ZMIZ1: variants seen among roughly 807,000 people sequenced by gnomAD.
ZMIZ1 encodes the protein zinc finger MIZ domain-containing protein 1.
Under a neutral mutation model 113.9 loss-of-function variants are expected in ZMIZ1, and 17 were observed. The ratio of observed to expected loss-of-function variants is 0.15; its 90% confidence interval spans 0.10 to 0.22. The LOEUF (loss-of-function observed/expected upper bound fraction) is 0.22, where lower values mean the gene tolerates loss of function less well. ZMIZ1 is among the 10% of genes least tolerant of loss of function. ZMIZ1 has a pLI of 1.00. For synonymous variants in ZMIZ1, 607 were observed against 603.1 expected (o/e 1.01, Z -0.09); for missense variants, 1,059 against 1,477.8 (o/e 0.72, Z 4.65).
intron 8 of ZMIZ1, 130 bp from the exon 9 acceptor site, chr10:79,289,645 A>C: frequency 1.3e-6 from 1 of 763,054 alleles, no homozygotes; most frequent in Non-Finnish European, 2.2e-6. Context: ...TGGGGGGTCC[A>C]GTACCGACTC....
At chr10:79,081,489 A>G (rs1318992719) in intron 1 of ZMIZ1, among the ~76,000 whole-genome samples, 1 of 152,166 alleles carries the variant, frequency 6.6e-6, no homozygotes, top group East Asian at 1.9e-4. Flanking sequence ...CTGCTTTTCA[A>G]GCAGGGTCAG....
chr10:79,127,268 G>A (rs114129053), intron 2 of ZMIZ1, among the ~76,000 whole-genome samples: 1,573 of 152,200 alleles, frequency 0.01, 28 homozygotes, highest in African/African-American at 0.036. Context: ...CCCTGGGCTC[G>A]GCCGGTCTGT....
chr10:79,245,336 G>T (rs1850127055), intron 7 of ZMIZ1, among the ~76,000 whole-genome samples: 1 of 152,198 alleles, frequency 6.6e-6, no homozygotes, highest in African/African-American at 2.4e-5. Flanking sequence ...GCCAGGCCTG[G>T]CTCCAACAGG....
At chr10:79,166,293 G>C (rs1053744575) in intron 4 of ZMIZ1, among the ~76,000 whole-genome samples, 1 of 152,212 alleles carries the variant, frequency 6.6e-6, no homozygotes, top group African/African-American at 2.4e-5. Context: ...CATCCTCAGG[G>C]CTCTGCACAA....
intron 3 of ZMIZ1, among the ~76,000 whole-genome samples, chr10:79,156,783 T>G (rs1426915929): frequency 6.6e-6 from 1 of 152,186 alleles, no homozygotes; most frequent in African/African-American, 2.4e-5. Context: ...TAGGTCCTCA[T>G]TCATTTCTGT....
intron 1 of ZMIZ1, among the ~76,000 whole-genome samples, chr10:79,071,449 T>C (rs2132146635): frequency 6.6e-6 from 1 of 152,358 alleles, no homozygotes; most frequent in African/African-American, 2.4e-5. Context: ...GCCGGGCAGC[T>C]TGGCGCTGGT....
At chr10:79,180,868 C>T (rs1447690266) in intron 4 of ZMIZ1, among the ~76,000 whole-genome samples, 2 of 152,266 alleles carry the variant, frequency 1.3e-5, no homozygotes, top group Non-Finnish European at 2.9e-5. Context: ...GGGGCCAGCA[C>T]ACCTGCACAC....
At chr10:79,080,733 A>C (rs2132183483) in intron 1 of ZMIZ1, among the ~76,000 whole-genome samples, 1 of 152,086 alleles carries the variant, frequency 6.6e-6, no homozygotes, top group Non-Finnish European at 1.5e-5. Context: ...TGACATCTGC[A>C]TTTCTGCTTG....
chr10:79,303,947 C>G, intron 18 of ZMIZ1, 68 bp from the exon 19 acceptor site: 1 of 1,594,414 alleles, frequency 6.3e-7, no homozygotes, highest in African/African-American at 1.3e-5. Flanking sequence ...GTGGGGAGCA[C>G]GTGCAGACCC....
chr10:79,157,297 G>A (rs549171620), intron 3 of ZMIZ1, among the ~76,000 whole-genome samples: 135 of 152,192 alleles, frequency 8.9e-4, no homozygotes, highest in Admixed American at 3.6e-3. Context: ...GGTTATTGAG[G>A]AAGGAGCCTG....
At chr10:79,182,927 C>A (rs763753340) in intron 4 of ZMIZ1, among the ~76,000 whole-genome samples, 8 of 152,262 alleles carry the variant, frequency 5.3e-5, no homozygotes, top group Non-Finnish European at 1.0e-4. Context: ...CTGCCCTTCA[C>A]CATCTGAGCA....
At chr10:79,264,594 C>T (rs1056699214) in intron 7 of ZMIZ1, among the ~76,000 whole-genome samples, 3 of 152,310 alleles carry the variant, frequency 2.0e-5, no homozygotes, top group Admixed American at 2.0e-4. Flanking sequence ...CAGCCTTGGC[C>T]CTGGCCTGCC....
At chr10:79,101,565 G>A (rs1843364646) in intron 1 of ZMIZ1, among the ~76,000 whole-genome samples, 2 of 152,164 alleles carry the variant, frequency 1.3e-5, no homozygotes, top group Admixed American at 1.3e-4. Flanking sequence ...TGGTGGCCTT[G>A]GTGTATCTTA....
chr10:79,247,827 A>G (rs1434032028), intron 7 of ZMIZ1, among the ~76,000 whole-genome samples: 1 of 152,184 alleles, frequency 6.6e-6, no homozygotes, highest in Non-Finnish European at 1.5e-5. Flanking sequence ...CTCCCCAGAT[A>G]ATTCTGATGC....
At chr10:79,229,699 A>T (rs1387231653) in intron 7 of ZMIZ1, among the ~76,000 whole-genome samples, 1 of 152,208 alleles carries the variant, frequency 6.6e-6, no homozygotes, top group Non-Finnish European at 1.5e-5. Context: ...ATCCGTACTT[A>T]GGGAACCCTG....
intron 4 of ZMIZ1, among the ~76,000 whole-genome samples, chr10:79,195,256 C>T (rs1372004933): frequency 3.9e-5 from 6 of 152,248 alleles, no homozygotes; most frequent in African/African-American, 1.2e-4. Flanking sequence ...TTGCAGACAG[C>T]GAAATGGAGG....
At chr10:79,203,301 C>T (rs902625500) in intron 5 of ZMIZ1, among the ~76,000 whole-genome samples, 7 of 152,174 alleles carry the variant, frequency 4.6e-5, no homozygotes, top group African/African-American at 1.7e-4. Flanking sequence ...AAAGTCTATG[C>T]AGGGTATGTG....
chr10:79,274,823 C>T lies in ZMIZ1; in HGVS notation c.281-2358C>T, dbSNP rs371918127. On this transcript the variant is annotated intron_variant, in intron 7 of 24. Coordinates refer to ENST00000334512, the MANE Select transcript of ZMIZ1 (RefSeq NM_020338.4). ...TATTCCCTTTATGGAAACCACTCCA[C>T]TAGGGGCAGGAGGACAAGGGCTGTC... is the stretch of plus-strand genomic sequence containing the variant. Among the ~76,000 whole-genome samples the T allele has an allele frequency of 2.6e-5, 4 of 152,360 alleles. No homozygotes were observed. The East Asian group carries it at 5.8e-4, about 22-fold the overall frequency.
intron 3 of ZMIZ1, among the ~76,000 whole-genome samples, chr10:79,141,317 C>T (rs772666094): frequency 6.6e-6 from 1 of 152,168 alleles, no homozygotes; most frequent in Non-Finnish European, 1.5e-5. Context: ...CTTGTACTCT[C>T]GTGAGGAGGC....
Sources: gnomAD v4.1 joint callset for allele counts (sites outside exome capture counted in the v4.1 genomes callset) on GRCh38, gnomAD v4.1.1 for gene constraint, MANE v1.5 for transcripts, NCBI Gene and HGNC (gene_info 2026-07-23, HGNC 2026-07-21) for gene names.